The following LTBP3 variants were observed in gnomAD, a reference collection of about 807,000 sequenced individuals.
The protein encoded by LTBP3 is latent-transforming growth factor beta-binding protein 3.
LTBP3 carries 97 observed loss-of-function variants against 159.7 expected under a neutral mutation model. The ratio of observed to expected loss-of-function variants is 0.61; its 90% CI spans 0.52 to 0.72. The LOEUF is 0.72. Ranked by LOEUF, LTBP3 falls within the 30% of genes least tolerant of loss-of-function variation. LTBP3 has a pLI of 0.00. For missense variants in LTBP3, 1,584 were observed against 1,864.3 expected, an observed-to-expected ratio of 0.85 and a Z score of 2.77; for synonymous variants, 824 against 777.1, an observed-to-expected ratio of 1.06 and a Z score of -1.00.
In LTBP3 at chr11:65,546,116, GC is replaced by G. The variant is rs1565093875; in HGVS notation, c.2353+325del. ...CTTCTCCAGTTTTCAATGAGTCCCA[GC>G]CCCCAGCCCCGCCTCTTGGCGTATA... On this transcript the variant is annotated intron_variant, in intron 16 of 27. Coordinates refer to ENST00000301873, the MANE Select transcript of LTBP3 (RefSeq NM_001130144.3). The surrounding 1 kb of genome is among the most constrained non-coding windows in gnomAD (Gnocchi z 4.0). 1.0e-5 allele frequency: 4 copies of G among 387,068 alleles called. No individual in the cohort carries two copies. Among genetic ancestry groups the G allele is most frequent in the Non-Finnish European group, 1.9e-5 (4 of 212,820 alleles). 24.0% of individuals were successfully genotyped at this position (387,068 alleles called of 1,614,324 possible).
rs369066686 is a variant in LTBP3, at chr11:65,546,540, C to T, written c.2255G>A (p.Ser752Asn). The change falls in exon 16 of 28, where the codon AGC becomes AAC. Residue 752 changes from serine to asparagine, a missense_variant. This residue lies in a region of LTBP3 where 565 missense variants were observed against 677.7 expected (regional missense o/e 0.83). Transcript: ENST00000301873. The surrounding 1 kb of genome is among the most constrained non-coding windows in gnomAD (Gnocchi z 4.0). ...CTCGCACCAGCCAGGCGAGCAGGGG[C>T]TGCCCTCGGCGCACTCGTTCACGTC... Reference protein sequence around the residue: ...CRDVNECAEGSPCSPGWCENL... With the variant: ...CRDVNECAEGNPCSPGWCENL... 100 of 1,602,080 alleles carry T rather than the reference C, an allele frequency of 6.2e-5. No individual in the cohort carries two copies. The highest frequency in any genetic ancestry group is 8.1e-5 in the Non-Finnish European group (96 of 1,179,408).
chr11:65,546,842 G>A lies in LTBP3; in HGVS notation c.2186C>T (p.Ala729Val), dbSNP rs754798784. 9.9e-6 allele frequency: 16 copies of A among 1,610,682 alleles called. No homozygotes were observed. The highest frequency in any genetic ancestry group is 5.0e-5 in the Admixed American group (3 of 60,020). Residue 729 changes from alanine to valine, a missense_variant, in exon 15 of 28, where the codon GCC (alanine) becomes GTC (valine). Ala to Val is a moderately conservative substitution (Grantham distance 64, BLOSUM62 0). Coordinates refer to ENST00000301873, the MANE Select transcript of LTBP3 (RefSeq NM_001130144.3). The surrounding 1 kb of genome is among the most constrained non-coding windows in gnomAD (Gnocchi z 4.0). ...CTGGCTGCGGTAGCCAGGCTGACAGGCGATGCACTTGAAGCTCCCGGGCTT... is the reference window on the plus strand; with the variant it reads ...CTGGCTGCGGTAGCCAGGCTGACAGACGATGCACTTGAAGCTCCCGGGCTT... ...ENKPGSFKCI[A>V]CQPGYRSQGG...
At chr11:65,545,046 T>C (rs1177457417) in intron 16 of LTBP3, 1 of 161,028 alleles carries the variant, frequency 6.2e-6, no homozygotes, top group Non-Finnish European at 1.4e-5. Context: ...AGGATTTCCA[T>C]GTAGGATTAG....
Position 65,554,236 on chromosome 11 carries a change from C to T in LTBP3, c.476G>A (p.Ser159Asn), listed in dbSNP as rs766148760. 2.6e-5 allele frequency: 42 copies of T among 1,608,938 alleles called. No homozygotes were observed. In the Admixed American group the frequency reaches 4.4e-4, roughly 17 times the overall value. The change falls in exon 2 of 28, where the codon AGC becomes AAC. Residue 159 changes from serine to asparagine, a missense_variant. Coordinates refer to ENST00000301873, the MANE Select transcript of LTBP3 (RefSeq NM_001130144.3). The surrounding 1 kb of genome is among the most constrained non-coding windows in gnomAD (Gnocchi z 5.3). Reference sequence around the variant, plus strand: ...CCCTGTGGACAGGGCCCCTGTCCTGCTCAGGCCGGGGCCTGAGCCGCCGGT... The same window carrying T: ...CCCTGTGGACAGGGCCCCTGTCCTGTTCAGGCCGGGGCCTGAGCCGCCGGT... ...GGTGGSGPGL[S>N]RTGALSTGAL...
In LTBP3 at chr11:65,540,803, G is replaced by A. The variant is rs368896970; in HGVS notation, c.2977+68C>T. The A allele has an allele frequency of 6.7e-5, 102 of 1,533,562 alleles. No individual in the cohort carries two copies. The East Asian group carries it at 1.9e-3, about 28-fold the overall frequency. 95.0% of individuals were successfully genotyped at this position (1,533,562 alleles called of 1,614,324 possible). A position where few individuals can be genotyped will look rare whatever the true frequency, so the allele number is the denominator to read the frequency against. On this transcript the variant is annotated intron_variant, in intron 21 of 27. Transcript: ENST00000301873. ...GCGGGCAGCTGACCCAGCGAGTCCC[G>A]GCGGGATCCGGGCGAGCCCAACCCG...
Position 65,540,858 on chromosome 11 carries a change from G to A in LTBP3, c.2977+13C>T, listed in dbSNP as rs1185334876. On this transcript the variant is annotated intron_variant, in intron 21 of 27. Coordinates refer to ENST00000301873, the MANE Select transcript of LTBP3 (RefSeq NM_001130144.3). ...GAGAGGGCGCGGGGCGGGCGGAGCCGCAGGGCGCTTACCACGGTGGGCTGG... is the reference window on the plus strand; with the variant it reads ...GAGAGGGCGCGGGGCGGGCGGAGCCACAGGGCGCTTACCACGGTGGGCTGG... 15 of 1,606,240 alleles carry A rather than the reference G, an allele frequency of 9.3e-6. No homozygotes were observed. Among genetic ancestry groups the A allele is most frequent in the East Asian group, 2.2e-5 (1 of 44,594 alleles).
In LTBP3 at chr11:65,545,721, A is replaced by G. The variant is rs190644230; in HGVS notation, c.2353+721T>C. On this transcript the variant is annotated intron_variant, in intron 16 of 27. Transcript: ENST00000301873. ...CAGCAGCAGGGAACGTTCTAAAACAAATGGCAAATCTTGTCACTCTTACAC... is the reference window on the plus strand; with the variant it reads ...CAGCAGCAGGGAACGTTCTAAAACAGATGGCAAATCTTGTCACTCTTACAC... The G allele has an allele frequency of 2.3e-5, 5 of 219,368 alleles. No homozygotes were observed. In the Admixed American group the frequency reaches 2.3e-4, roughly 10 times the overall value. 13.6% of individuals were successfully genotyped at this position (219,368 alleles called of 1,614,324 possible). A position where few individuals can be genotyped will look rare whatever the true frequency, so the allele number is the denominator to read the frequency against.
Position 65,552,493 on chromosome 11 carries a change from G to A in LTBP3, c.1187-87C>T, listed in dbSNP as rs535464139. On this transcript the variant is annotated intron_variant, in intron 6 of 27. Transcript: ENST00000301873. This position sits in a 1 kb window ranked among gnomAD's most constrained non-coding sequence, Gnocchi z 6.0. ...CAGCTGCTGCAGACCTTGCCTCTCCGGCCCAGACAACCCTTGATCCCCCAT... is the reference window on the plus strand; with the variant it reads ...CAGCTGCTGCAGACCTTGCCTCTCCAGCCCAGACAACCCTTGATCCCCCAT... The A allele has an allele frequency of 1.8e-5, 28 of 1,527,130 alleles. No individual in the cohort carries two copies. Among genetic ancestry groups the A allele is most frequent in the African/African-American group, 1.5e-4 (11 of 73,320 alleles). The allele number at this position is 1,527,130 out of a possible 1,614,324, so 94.6% of individuals were successfully genotyped here.
Position 65,548,050 on chromosome 11 carries a change from G to T in LTBP3, c.1721-5C>A, listed in dbSNP as rs777185028. The T allele has an allele frequency of 1.2e-6, 2 of 1,613,602 alleles. No individual in the cohort carries two copies. Among genetic ancestry groups the T allele is most frequent in the African/African-American group, 2.7e-5 (2 of 74,840 alleles). On this transcript the variant is annotated splice_polypyrimidine_tract_variant and splice_region_variant and intron_variant, in intron 11 of 27. Coordinates refer to ENST00000301873, the MANE Select transcript of LTBP3 (RefSeq NM_001130144.3). ...TCAGTCGGCACTCATCAGTCTCTGC[G>T]GGCATGGCCAGGTCAAGCGGCAGAG...
Position 65,558,341 on chromosome 11 carries a change from G to C in LTBP3, c.-382C>G, listed in dbSNP as rs1214753036. ...CCGCGGGGAGGCAGGGAGCGCGCGG[G>C]GAGGGCTCAGGGAGAAGTGAGCAGT... is the stretch of plus-strand genomic sequence containing the variant. On this transcript the variant is annotated 5_prime_UTR_variant, in exon 1 of 28. Coordinates refer to ENST00000301873, the MANE Select transcript of LTBP3 (RefSeq NM_001130144.3). 2 of 301,890 alleles carry C rather than the reference G, an allele frequency of 6.6e-6. No individual in the cohort carries two copies. The highest frequency in any genetic ancestry group is 4.4e-5 in the African/African-American group (2 of 45,190). 18.7% of individuals were successfully genotyped at this position (301,890 alleles called of 1,614,324 possible).
At chr11:65,541,431 C>A in intron 19 of LTBP3, 138 bp from the exon 20 acceptor site, 1 of 1,408,792 alleles carries the variant, frequency 7.1e-7, no homozygotes. Flanking sequence ...CTGTTCTCAA[C>A]GTGGTGTTCT....
In LTBP3 at chr11:65,538,719, C is replaced by T. The variant is rs1397073280; in HGVS notation, c.*361G>A. 7 of 1,120,222 alleles carry T rather than the reference C, an allele frequency of 6.2e-6. No homozygotes were observed. The African/African-American group carries it at 6.3e-5, about 10-fold the overall frequency. The allele number at this position is 1,120,222 out of a possible 1,614,324, so 69.4% of individuals were successfully genotyped here. On this transcript the variant is annotated 3_prime_UTR_variant, in exon 28 of 28. Transcript: ENST00000301873. ...TCTATTTCACACCCCTTGTGCCGGG[C>T]TCAGTCTAGCCCCTGGGAGGCGGCT...
chr11:65,538,833 T>G lies in LTBP3; in HGVS notation c.*247A>C. ...AAGCCAAGGGTAAAGAGGCACGATC[T>G]GATTTATCAGTTTCTAGGAAACACC... is the stretch of plus-strand genomic sequence containing the variant. On this transcript the variant is annotated 3_prime_UTR_variant, in exon 28 of 28. Transcript: ENST00000301873. The G allele has an allele frequency of 1.2e-6, 1 of 816,970 alleles. No individual in the cohort carries two copies. The highest frequency in any genetic ancestry group is 2.3e-5 in the South Asian group (1 of 43,192). 50.6% of individuals were successfully genotyped at this position (816,970 alleles called of 1,614,324 possible).
rs777097028 is a variant in LTBP3 at position 65,539,548 on chromosome 11, C to A, written c.3628G>T (p.Asp1210Tyr). The part of the protein sequence containing the change: ...SPLLLGKPPR[D>Y]EDSSEEDSDE... ...CACCGCCCGACCCGGCAGCACTCAC[C>A]TCTTGGGGGCTTCCCCAACAGCAGG... The change falls in exon 26 of 28, where the codon GAT becomes TAT. Residue 1210 changes from aspartate (D) to tyrosine (Y), a missense_variant and splice_region_variant. Coordinates refer to ENST00000301873, the MANE Select transcript of LTBP3 (RefSeq NM_001130144.3). 22 of 1,612,464 alleles carry A rather than the reference C, an allele frequency of 1.4e-5. No individual in the cohort carries two copies. In the South Asian group the frequency reaches 2.4e-4, roughly 18 times the overall value.
intron 11 of LTBP3, among the ~76,000 whole-genome samples, chr11:65,550,027 AACAG>A (rs149430622): frequency 0.14 from 21,639 of 152,166 alleles, 1,886 homozygotes; most frequent in Middle Eastern, 0.24. Flanking sequence ...CATGAACAAA[AACAG>A]ACAAAAATTT....
chr11:65,538,901 C>T lies in LTBP3; in HGVS notation c.*179G>A. The T allele has an allele frequency of 8.2e-7, 1 of 1,219,676 alleles. No homozygotes were observed. The highest frequency in any genetic ancestry group is 1.1e-6 in the Non-Finnish European group (1 of 945,140). The allele number at this position is 1,219,676 out of a possible 1,614,324, so 75.6% of individuals were successfully genotyped here. A position where few individuals can be genotyped will look rare whatever the true frequency, so the allele number is the denominator to read the frequency against. Reference sequence around the variant, plus strand: ...GCAGCGCCCGCCGGAGACCTTACAACCGCCCGCTAACCGGGGAGGGGGGCC... The same window carrying T: ...GCAGCGCCCGCCGGAGACCTTACAATCGCCCGCTAACCGGGGAGGGGGGCC... On this transcript the variant is annotated 3_prime_UTR_variant, in exon 28 of 28. Transcript: ENST00000301873.
Position 65,552,577 on chromosome 11 carries a change from C to T in LTBP3, c.1187-171G>A, listed in dbSNP as rs1365139581. 6.6e-6 allele frequency among the ~76,000 whole-genome samples: 1 copy of T among 152,170 alleles called. No individual in the cohort carries two copies. Among genetic ancestry groups the T allele is most frequent in the Non-Finnish European group, 1.5e-5 (1 of 68,032 alleles). On this transcript the variant is annotated intron_variant, in intron 6 of 27. Transcript: ENST00000301873. This position sits in a 1 kb window ranked among gnomAD's most constrained non-coding sequence, Gnocchi z 6.0. Reference sequence around the variant, plus strand: ...GTGACCCCTGAAACTTATGTGACCACTGACCCCATTGACTCCCGATTCTAG... The same window carrying T: ...GTGACCCCTGAAACTTATGTGACCATTGACCCCATTGACTCCCGATTCTAG...
Position 65,551,177 on chromosome 11 carries a change from C to A in LTBP3, c.1669G>T (p.Asp557Tyr). The A allele has an allele frequency of 6.4e-7, 1 of 1,552,684 alleles. No individual in the cohort carries two copies. The highest frequency in any genetic ancestry group is 8.7e-7 in the Non-Finnish European group (1 of 1,148,560). ...ACGGCGCTGCGGGAAGGAGGCAAGT[C>A]CGGCAGGAACCAGCGCATGGTCGGG... The part of the protein sequence containing the change: ...SPPTMRWFLP[D>Y]LPPSRSAVEI... Residue 557 changes from aspartate to tyrosine, a missense_variant, in exon 11 of 28, where the codon GAC (aspartate) becomes TAC (tyrosine). This residue lies in a region of LTBP3 where 565 missense variants were observed against 677.7 expected (regional missense o/e 0.83). Transcript: ENST00000301873.
In LTBP3 at chr11:65,539,817, G is replaced by T; in HGVS notation, c.3450C>A (p.Gly1150=). 6.5e-7 allele frequency: 1 copy of T among 1,532,708 alleles called. No homozygotes were observed. Among genetic ancestry groups the T allele is most frequent in the Non-Finnish European group, 8.7e-7 (1 of 1,146,646 alleles). The allele number at this position is 1,532,708 out of a possible 1,614,324, so 94.9% of individuals were successfully genotyped here. Residue 1150 remains glycine, a synonymous_variant, in exon 25 of 28, where the codon GGC becomes GGA. Coordinates refer to ENST00000301873, the MANE Select transcript of LTBP3 (RefSeq NM_001130144.3). ...SQRGEDGMCA[G]PLAGPALTFD... ...AGGTGAGGGCAGGCCCGGCCAGGGG[G>T]CCAGCGCACATGCCGTCCTCTCCGC... is the stretch of plus-strand genomic sequence containing the variant.
Sources: allele counts gnomAD v4.1 joint callset (sites outside exome capture counted in the v4.1 genomes callset), GRCh38; gene constraint gnomAD v4.1.1; regional missense constraint gnomAD v4.1.1; non-coding constraint Gnocchi (gnomAD v3.1); transcripts MANE v1.5; gene names NCBI Gene and HGNC (gene_info 2026-07-23, HGNC 2026-07-21).